The following CNOT10 variants were observed in gnomAD, a reference collection of about 807,000 sequenced individuals.
CNOT10 encodes the protein CCR4-NOT transcription complex subunit 10, also known as CCR4-NOT transcription complex, subunit 10.
A neutral mutation model predicts 94.6 loss-of-function variants in CNOT10; 30 were observed. The ratio of observed to expected loss-of-function variants is 0.32; its 90% CI spans 0.24 to 0.43. The LOEUF (loss-of-function observed/expected upper bound fraction) is 0.43, where lower values mean the gene tolerates loss of function less well. Among genes scored for constraint, CNOT10 ranks in the 20% least tolerant of loss-of-function variants. The pLI, the probability that CNOT10 is intolerant of heterozygous loss-of-function variation, is 1.00. For synonymous variants in CNOT10, 289 were observed against 301.6 expected, an observed-to-expected ratio of 0.96 and a Z score of 0.43; for missense variants, 759 against 877.2, an observed-to-expected ratio of 0.87 and a Z score of 1.70.
At chr3:32,751,920 G>A (rs929709596) in intron 13 of CNOT10, among the ~76,000 whole-genome samples, 2 of 152,100 alleles carry the variant, frequency 1.3e-5, no homozygotes, top group Admixed American at 6.6e-5. Context: ...TTGTGTTCAC[G>A]TTGGCATGAT....
At chr3:32,744,155 C>CA (rs1221342287) in intron 13 of CNOT10, among the ~76,000 whole-genome samples, 1 of 152,132 alleles carries the variant, frequency 6.6e-6, no homozygotes, top group Non-Finnish European at 1.5e-5. Context: ...TGTTAAAGGG[C>CA]AATTCTGTGG....
chr3:32,753,688 AAAG>A (rs1237399213), intron 13 of CNOT10: 7 of 1,586,150 alleles, frequency 4.4e-6, no homozygotes, highest in African/African-American at 2.7e-5. Flanking sequence ...GGGTAAAATC[AAAG>A]AAGAAGAAAA....
At chr3:32,751,221 G>A (rs375205649) in intron 13 of CNOT10, among the ~76,000 whole-genome samples, 23 of 152,090 alleles carry the variant, frequency 1.5e-4, no homozygotes, top group African/African-American at 4.3e-4. Flanking sequence ...CCACCTCTGC[G>A]TCCCAAGTAG....
chr3:32,753,950 A>T, intron 13 of CNOT10: 3 of 949,192 alleles, frequency 3.2e-6, no homozygotes, highest in Non-Finnish European at 4.7e-6. Context: ...TATAAAAATT[A>T]GCTGGGCATG....
intron 1 of CNOT10, among the ~76,000 whole-genome samples, chr3:32,696,465 A>G: frequency 6.6e-6 from 1 of 152,198 alleles, no homozygotes; most frequent in Admixed American, 6.6e-5. Context: ...TCCTGAAGTT[A>G]AAGAAGGTAG....
rs776840765 is a variant in CNOT10, at chr3:32,764,797, G to C, written c.1992G>C (p.Lys664Asn). 3 of 1,614,206 alleles carry C rather than the reference G, an allele frequency of 1.9e-6. No homozygotes were observed. The South Asian group carries it at 3.3e-5, about 18-fold the overall frequency. The change falls in exon 17 of 19, where the codon AAG becomes AAC. Residue 664 changes from lysine to asparagine, a missense_variant. Lys to Asn is a moderately conservative substitution (Grantham distance 94, BLOSUM62 0). Around this residue, in one of 3 missense-constraint regions of CNOT10, gnomAD observed 682 missense variants for 799.4 expected, o/e 0.85. Transcript: ENST00000328834. ...CLRSEYDKAR[K>N]CLHQAASMIH... The stretch of plus-strand genomic sequence containing the variant: ...GGAGCGAATATGACAAAGCCCGAAA[G>C]TGTCTCCACCAGGTGAGTCCAGAGT...
intron 17 of CNOT10, among the ~76,000 whole-genome samples, chr3:32,766,719 G>A (rs1260068500): frequency 6.6e-6 from 1 of 151,814 alleles, no homozygotes; most frequent in Non-Finnish European, 1.5e-5. Flanking sequence ...GAAAGCTACT[G>A]GCAATATATA....
intron 7 of CNOT10, among the ~76,000 whole-genome samples, chr3:32,719,429 A>C (rs62250843): frequency 0.086 from 13,124 of 152,166 alleles, 683 homozygotes; most frequent in Middle Eastern, 0.19. Context: ...CAATCAATCA[A>C]TCACTCAATC....
At chr3:32,721,735 C>T (rs1177998381) in intron 8 of CNOT10, among the ~76,000 whole-genome samples, 3 of 151,124 alleles carry the variant, frequency 2.0e-5, no homozygotes, top group Non-Finnish European at 4.4e-5. Context: ...CAAGCTCTGC[C>T]TCCTGGGTTC....
intron 17 of CNOT10, among the ~76,000 whole-genome samples, chr3:32,767,161 G>A (rs570075537): frequency 6.6e-6 from 1 of 152,274 alleles, no homozygotes; most frequent in Admixed American, 6.5e-5. Flanking sequence ...CAGATGAGAA[G>A]GCCCACATCC....
intron 8 of CNOT10, among the ~76,000 whole-genome samples, chr3:32,723,924 T>G (rs78488320): frequency 6.6e-6 from 1 of 151,572 alleles, no homozygotes; most frequent in African/African-American, 2.4e-5. Flanking sequence ...GCAAAAAAAT[T>G]AAAAAATTAG....
Position 32,720,244 on chromosome 3 carries a change from TG to T in CNOT10, c.862+14del. The stretch of plus-strand genomic sequence containing the variant: ...TTCATGAAAACAGGTAAAAGAAAAT[TG>T]TGAAATTTTAACTTTTTTTTGCCTT... On this transcript the variant is annotated intron_variant, in intron 8 of 18. Transcript: ENST00000328834. 1 of 1,432,080 alleles carries T rather than the reference TG, an allele frequency of 7.0e-7. No individual in the cohort carries two copies. Among genetic ancestry groups the T allele is most frequent in the Non-Finnish European group, 9.6e-7 (1 of 1,041,548 alleles). The allele number at this position is 1,432,080 out of a possible 1,614,324, so 88.7% of individuals were successfully genotyped here.
chr3:32,690,324 A>G (rs1696794787), intron 1 of CNOT10, among the ~76,000 whole-genome samples: 1 of 151,926 alleles, frequency 6.6e-6, no homozygotes, highest in African/African-American at 2.4e-5. Context: ...GAAAGTATCT[A>G]CCTCACAGGT....
chr3:32,724,402 C>T (rs1035623630), intron 8 of CNOT10, among the ~76,000 whole-genome samples: 7 of 149,928 alleles, frequency 4.7e-5, no homozygotes, highest in South Asian at 2.1e-4. Context: ...CCCTCCACTA[C>T]GCCCGGCTAA....
intron 1 of CNOT10, among the ~76,000 whole-genome samples, chr3:32,696,858 G>A (rs539485400): frequency 3.3e-5 from 5 of 152,278 alleles, no homozygotes; most frequent in African/African-American, 4.8e-5. Flanking sequence ...GATTACAGGC[G>A]TGAGCCAGTG....
chr3:32,753,049 A>G, intron 13 of CNOT10: 1 of 501,684 alleles, frequency 2.0e-6, no homozygotes, highest in Non-Finnish European at 3.9e-6. Context: ...GATGCATAAT[A>G]TTAGTGTCAA....
intron 13 of CNOT10, chr3:32,753,529 A>T: frequency 2.5e-6 from 4 of 1,579,432 alleles, no homozygotes; most frequent in Non-Finnish European, 3.5e-6. Flanking sequence ...TTCAACCAAG[A>T]TTGAAATTAA....
intron 13 of CNOT10, chr3:32,753,754 T>A (rs1700068755): frequency 6.2e-7 from 1 of 1,601,312 alleles, no homozygotes. Flanking sequence ...TCAGCAGATC[T>A]ATTCAGATGG....
chr3:32,769,992 T>A, intron 18 of CNOT10, 30 bp downstream of exon 18: 1 of 1,570,428 alleles, frequency 6.4e-7, no homozygotes, highest in Non-Finnish European at 8.8e-7. Flanking sequence ...TAGGACTTTA[T>A]CCCTTGAAAG....
Sources: gnomAD v4.1 joint callset for allele counts (sites outside exome capture counted in the v4.1 genomes callset) on GRCh38, gnomAD v4.1.1 for gene constraint, gnomAD v4.1.1 regional missense constraint, MANE v1.5 for transcripts, NCBI Gene and HGNC (gene_info 2026-07-23, HGNC 2026-07-21) for gene names.